SNAPC3: variants seen among roughly 807,000 people sequenced by gnomAD.
SNAPC3 encodes the protein snRNA-activating protein complex subunit 3.
SNAPC3 carries 56 observed loss-of-function variants against 47.7 expected under a neutral mutation model. The observed-to-expected ratio is 1.18, with a 90% CI of 0.95 to 1.47. The LOEUF (loss-of-function observed/expected upper bound fraction) is 1.47. Ranked by LOEUF, SNAPC3 falls within the 40% of genes most tolerant of loss-of-function variation. SNAPC3 has a pLI of 0.00. For synonymous variants in SNAPC3, 235 were observed against 189.9 expected (o/e 1.24, Z -1.95); for missense variants, 665 against 511.3 (o/e 1.30, Z -2.90).
chr9:15,464,438 C>T (rs1369135974), downstream of SNAPC3: 4 of 199,070 alleles, frequency 2.0e-5, no homozygotes, highest in Non-Finnish European at 4.1e-5. Flanking sequence ...TTAACATACC[C>T]TTAAATTTTG....
intron 3 of SNAPC3, among the ~76,000 whole-genome samples, chr9:15,442,477 G>T (rs1174801855): frequency 1.3e-5 from 2 of 149,810 alleles, no homozygotes; most frequent in African/African-American, 2.5e-5. Flanking sequence ...GGGCGGAGGG[G>T]CTCCTCACTT....
downstream of SNAPC3, chr9:15,465,761 A>G (rs554291759): frequency 3.7e-6 from 2 of 534,260 alleles, no homozygotes; most frequent in East Asian, 3.1e-5. Context: ...CAAAACTGTT[A>G]TTTTACCATG....
rs35960449 is a variant in SNAPC3, at chr9:15,458,082, A to ATTTTTT, written c.1088+21_1088+26dup. 1 of 981,420 alleles carries ATTTTTT rather than the reference A, an allele frequency of 1.0e-6. No individual in the cohort carries two copies. Among genetic ancestry groups the ATTTTTT allele is most frequent in the Non-Finnish European group, 1.5e-6 (1 of 684,198 alleles). The allele number at this position is 981,420 out of a possible 1,614,324, so 60.8% of individuals were successfully genotyped here. A position where few individuals can be genotyped will look rare whatever the true frequency, so the allele number is the denominator to read the frequency against. The stretch of plus-strand genomic sequence containing the variant: ...TATACAGCCAGGTGAGTGATAATGT[A>ATTTTTT]TTTTTTTTTTTCTCTGAGAAATGGC... On this transcript the variant is annotated intron_variant, in intron 8 of 8. Transcript: ENST00000380821.
At chr9:15,458,569 T>C (rs4741504) in intron 8 of SNAPC3, among the ~76,000 whole-genome samples, 139,137 of 152,230 alleles carry the variant, frequency 0.91, 63,868 homozygotes, top group African/African-American at 0.96. Context: ...AAAACCACAG[T>C]ACATCACATG....
intron 1 of SNAPC3, among the ~76,000 whole-genome samples, chr9:15,423,505 C>G (rs886857572): frequency 2.6e-5 from 4 of 152,134 alleles, no homozygotes; most frequent in African/African-American, 9.7e-5. Context: ...GCGACGTGTA[C>G]CTGCCATTGA....
rs2034371443 is a variant in SNAPC3 at position 15,451,340 on chromosome 9, CTTTT to C, written c.754_757del (p.Phe252IlefsTer18). 3.3e-6 allele frequency: 5 copies of C among 1,511,310 alleles called. No homozygotes were observed. Among genetic ancestry groups the C allele is most frequent in the Non-Finnish European group, 4.6e-6 (5 of 1,098,272 alleles). 93.6% of individuals were successfully genotyped at this position (1,511,310 alleles called of 1,614,324 possible). On this transcript the variant is annotated frameshift_variant, in exon 6 of 9. Coordinates refer to ENST00000380821, the MANE Select transcript of SNAPC3 (RefSeq NM_001039697.2). LOFTEE classifies it high-confidence loss of function. Reference sequence around the variant, plus strand: ...TGTAGGACCTATACAAATCAGCCTTCTTTTATTTTGAAGGAACATTTTATAATGA... The same window carrying C: ...TGTAGGACCTATACAAATCAGCCTTCATTTTGAAGGAACATTTTATAATGA...
intron 3 of SNAPC3, among the ~76,000 whole-genome samples, chr9:15,442,431 G>A (rs878897977): frequency 6.6e-6 from 1 of 151,114 alleles, no homozygotes; most frequent in East Asian, 2.0e-4. Context: ...GCTGCCGGGC[G>A]GAGGGCCTCC....
At chr9:15,431,727 C>G (rs1281827859) in intron 2 of SNAPC3, among the ~76,000 whole-genome samples, 1 of 151,906 alleles carries the variant, frequency 6.6e-6, no homozygotes, top group Admixed American at 6.6e-5. Flanking sequence ...TCACACACCC[C>G]AAATGTAATC....
At position 15,461,154 on chromosome 9, in the gene SNAPC3, CA is replaced by C. The variant is rs1293574649; in HGVS notation, c.*1292del. The C allele has an allele frequency of 1.3e-5, 2 of 151,152 alleles. No homozygotes were observed. The highest frequency in any genetic ancestry group is 2.4e-5 in the African/African-American group (1 of 41,158). 9.4% of individuals were successfully genotyped at this position (151,152 alleles called of 1,614,324 possible). A position where few individuals can be genotyped will look rare whatever the true frequency, so the allele number is the denominator to read the frequency against. ...TTATTCTGAGGAAAAAAAAAAAAAC[CA>C]AAACTTTTTAAACTTATTTTTTGAC... On this transcript the variant is annotated 3_prime_UTR_variant, in exon 9 of 9. Coordinates refer to ENST00000380821, the MANE Select transcript of SNAPC3 (RefSeq NM_001039697.2).
At chr9:15,442,746 G>A (rs77787579) in intron 3 of SNAPC3, among the ~76,000 whole-genome samples, 26 of 152,246 alleles carry the variant, frequency 1.7e-4, no homozygotes, top group Admixed American at 1.6e-3. Flanking sequence ...AGGCAGAGAC[G>A]CTCTTCACTT....
intron 2 of SNAPC3, among the ~76,000 whole-genome samples, chr9:15,428,604 G>A (rs952662879): frequency 1.2e-4 from 18 of 151,744 alleles, no homozygotes; most frequent in Non-Finnish European, 4.4e-5. Flanking sequence ...TGTTTACCTT[G>A]GCTTAGAATT....
chr9:15,457,422 G>C (rs745442390), intron 7 of SNAPC3, among the ~76,000 whole-genome samples: 1 of 151,878 alleles, frequency 6.6e-6, no homozygotes. Flanking sequence ...TAGTGAGACC[G>C]TGTCTCTACA....
At chr9:15,440,042 A>G (rs979122488) in intron 3 of SNAPC3, among the ~76,000 whole-genome samples, 3 of 152,212 alleles carry the variant, frequency 2.0e-5, no homozygotes, top group Admixed American at 6.5e-5. Context: ...TTTTGTTTCT[A>G]TAATATTCAA....
At chr9:15,443,737 G>GCT (rs2131869199) in intron 3 of SNAPC3, among the ~76,000 whole-genome samples, 1 of 152,288 alleles carries the variant, frequency 6.6e-6, no homozygotes, top group East Asian at 1.9e-4. Context: ...AGTTCTTAGA[G>GCT]AACAGGTCCC....
In SNAPC3 at chr9:15,444,710, A is replaced by T. The variant is rs756849156; in HGVS notation, c.582+4A>T. 1.3e-6 allele frequency: 2 copies of T among 1,490,848 alleles called. No individual in the cohort carries two copies. Among genetic ancestry groups the T allele is most frequent in the Non-Finnish European group, 1.9e-6 (2 of 1,073,052 alleles). The allele number at this position is 1,490,848 out of a possible 1,614,324, so 92.4% of individuals were successfully genotyped here. ...GTACCCTGTTATATTTCATAAGGTA[A>T]GTAGTAAAACCTTTTGGATTTTATG... On this transcript the variant is annotated splice_donor_region_variant and intron_variant, in intron 4 of 8. Coordinates refer to ENST00000380821, the MANE Select transcript of SNAPC3 (RefSeq NM_001039697.2).
chr9:15,458,857 G>C (rs1198975525), intron 8 of SNAPC3, among the ~76,000 whole-genome samples: 1 of 152,140 alleles, frequency 6.6e-6, no homozygotes, highest in African/African-American at 2.4e-5. Flanking sequence ...GAAAGTGTTT[G>C]AGTGGCAACA....
chr9:15,441,968 G>A (rs1275128892), intron 3 of SNAPC3, among the ~76,000 whole-genome samples: 11 of 152,136 alleles, frequency 7.2e-5, no homozygotes, highest in East Asian at 3.9e-4. Context: ...CAGAAGGGGC[G>A]GCCAGGCAGA....
chr9:15,430,007 T>A (rs1396196618), intron 2 of SNAPC3, among the ~76,000 whole-genome samples: 3 of 152,246 alleles, frequency 2.0e-5, no homozygotes, highest in Non-Finnish European at 4.4e-5. Context: ...GGACACTTTT[T>A]AATTTATATC....
intron 5 of SNAPC3, 134 bp downstream of exon 5, chr9:15,447,378 T>C (rs2034025288): frequency 1.4e-6 from 1 of 738,156 alleles, no homozygotes. Context: ...CACTATCTCA[T>C]TCCTTCCCTT....
Sources: allele counts gnomAD v4.1 joint callset (sites outside exome capture counted in the v4.1 genomes callset), GRCh38; gene constraint gnomAD v4.1.1; transcripts MANE v1.5; gene names NCBI Gene and HGNC (gene_info 2026-07-23, HGNC 2026-07-21).